NPHP4: variants seen among roughly 807,000 people sequenced by gnomAD.
The protein encoded by NPHP4 is nephrocystin 4, also known as nephrocystin-4.
Under a neutral mutation model 155.8 loss-of-function variants are expected in NPHP4, and 151 were observed. The observed-to-expected ratio is 0.97, with a 90% CI of 0.85 to 1.11. The LOEUF is 1.11. Ranked by LOEUF, NPHP4 falls within the 50% of genes least tolerant of loss-of-function variation. The pLI, the probability that NPHP4 is intolerant of heterozygous loss-of-function variation, is 0.00. For missense variants in NPHP4, 1,956 were observed against 1,925.7 expected (o/e 1.02, Z -0.29); for synonymous variants, 845 against 816.8 (o/e 1.03, Z -0.59).
At position 5,978,316 on chromosome 1, in the gene NPHP4, G is replaced by A. The variant is rs1654066877; in HGVS notation, c.233C>T (p.Thr78Ile). 2 of 1,609,408 alleles carry A rather than the reference G, an allele frequency of 1.2e-6. No individual in the cohort carries two copies. The highest frequency in any genetic ancestry group is 1.3e-5 in the African/African-American group (1 of 74,774). Residue 78 changes from threonine to isoleucine, a missense_variant, in exon 3 of 30, where the codon ACA (threonine) becomes ATA (isoleucine). Coordinates refer to ENST00000378156, the MANE Select transcript of NPHP4 (RefSeq NM_015102.5). The part of the protein sequence containing the change: ...RHFFGRTWKT[T>I]VKPTKRPPSR... ...CGGCGGTCTCTTCGTCGGCTTCACT[G>A]TGGTTTTCCACGTCCTCCCAAAGAA...
rs1553200990 is a variant in NPHP4, at chr1:5,978,356, CATCA to C, written c.189_192del (p.Phe63LeufsTer16). 6.2e-7 allele frequency: 1 copy of C among 1,609,348 alleles called. No individual in the cohort carries two copies. Among genetic ancestry groups the C allele is most frequent in the Admixed American group, 1.7e-5 (1 of 59,368 alleles). On this transcript the variant is annotated frameshift_variant, in exon 3 of 30. Transcript: ENST00000378156. LOFTEE classifies it high-confidence loss of function. ...CTCCCAAAGAAGTGCCGGTAGGTGA[CATCA>C]AAGAAAGACACTCGCAGATGGCATT...
chr1:5,961,860 G>C lies in NPHP4; in HGVS notation c.607C>G (p.Pro203Ala), dbSNP rs1356533222. 2 of 1,613,828 alleles carry C rather than the reference G, an allele frequency of 1.2e-6. No individual in the cohort carries two copies. The highest frequency in any genetic ancestry group is 1.7e-6 in the Non-Finnish European group (2 of 1,179,780). ...PALEPAFHLL[P>A]ENLLVSGLQQ... ...AGACCAGACACCAGAAGGTTCTCAG[G>C]AAGAAGGTGGAACGCAGGCTCCAGG... Residue 203 changes from proline to alanine, a missense_variant, in exon 6 of 30, where the codon CCT (proline) becomes GCT (alanine). Pro to Ala is a conservative substitution (Grantham distance 27). Coordinates refer to ENST00000378156, the MANE Select transcript of NPHP4 (RefSeq NM_015102.5).
rs922306718 is a variant in NPHP4, at chr1:5,968,638, AT to A, written c.452+448del. 2.1e-3 allele frequency among the ~76,000 whole-genome samples: 313 copies of A among 151,988 alleles called. 7 individuals are homozygous for A. Among genetic ancestry groups the A allele is most frequent in the Non-Finnish European group, 9.3e-4 (63 of 67,928 alleles). On this transcript the variant is annotated intron_variant, in intron 4 of 29. Transcript: ENST00000378156. ...AAAGGCAAACCCCCAAGCAAGACAC[AT>A]CCCACACTATGCTATTATGGACACA...
chr1:5,929,430 AAG>A lies in NPHP4; in HGVS notation c.1303-1645_1303-1644del, dbSNP rs77831571. The stretch of plus-strand genomic sequence containing the variant: ...TCACCATTAAGTATGATGTTAACTA[AAG>A]AGTTTTTGTAAACATCACTGATTAT... On this transcript the variant is annotated intron_variant, in intron 10 of 29. Transcript: ENST00000378156. Among the ~76,000 whole-genome samples, 1,392 of 152,314 alleles carry A rather than the reference AAG, an allele frequency of 9.1e-3. 26 individuals are homozygous for A. Among genetic ancestry groups the A allele is most frequent in the South Asian group, 0.021 (103 of 4,824 alleles).
At position 5,905,649 on chromosome 1, in the gene NPHP4, CACA is replaced by C. The variant is rs1282891020; in HGVS notation, c.1743_1745del (p.Val582del). The C allele has an allele frequency of 6.2e-6, 10 of 1,613,802 alleles. No homozygotes were observed. Among genetic ancestry groups the C allele is most frequent in the Middle Eastern group, 3.3e-4 (2 of 6,084 alleles). On this transcript the variant is annotated inframe_deletion, in exon 14 of 30. Transcript: ENST00000378156. The surrounding 1 kb of genome is among the most constrained non-coding windows in gnomAD (Gnocchi z 4.0). Reference sequence around the variant, plus strand: ...CACCTCACCTCCTGGTCTGGGTTCCCACAACAATAGGGGCATGCAAAGGCGTGA... The same window carrying C: ...CACCTCACCTCCTGGTCTGGGTTCCCACAATAGGGGCATGCAAAGGCGTGA...
chr1:5,918,383 T>C (rs562135069), intron 11 of NPHP4, among the ~76,000 whole-genome samples: 14 of 152,302 alleles, frequency 9.2e-5, no homozygotes, highest in South Asian at 8.3e-4. Context: ...TCAAAACCTA[T>C]GAAATGGGGT....
intron 19 of NPHP4, among the ~76,000 whole-genome samples, chr1:5,879,868 C>T (rs1236892609): frequency 6.6e-6 from 1 of 151,394 alleles, no homozygotes; most frequent in South Asian, 2.1e-4. Context: ...CACGCACACA[C>T]ACATGCACAC....
intron 1 of NPHP4, among the ~76,000 whole-genome samples, chr1:5,989,741 C>T (rs806106): frequency 0.16 from 24,816 of 152,240 alleles, 2,279 homozygotes; most frequent in South Asian, 0.25. Context: ...TCCTCACCTG[C>T]CCCAGATTTC....
chr1:5,866,308 G>T (rs1641214719), intron 26 of NPHP4, 65 bp downstream of exon 26: 2 of 1,063,560 alleles, frequency 1.9e-6, no homozygotes, highest in African/African-American at 1.6e-5. Flanking sequence ...TCCACCAGCA[G>T]CCCCAGGCCT....
intron 10 of NPHP4, among the ~76,000 whole-genome samples, chr1:5,928,011 C>T (rs1646098215): frequency 6.6e-6 from 1 of 152,176 alleles, no homozygotes; most frequent in Non-Finnish European, 1.5e-5. Context: ...ATGACCCTTA[C>T]CCAAGCAGAA....
chr1:5,988,868 C>A (rs898099163), intron 1 of NPHP4, among the ~76,000 whole-genome samples: 2 of 152,184 alleles, frequency 1.3e-5, no homozygotes, highest in African/African-American at 4.8e-5. Flanking sequence ...CCGCCTCCAC[C>A]CACAGTGCAC....
chr1:5,941,644 C>T (rs944736011), intron 9 of NPHP4, among the ~76,000 whole-genome samples: 2 of 152,200 alleles, frequency 1.3e-5, no homozygotes, highest in African/African-American at 4.8e-5. Context: ...GAGCCTGAAG[C>T]ATCTTCTGAA....
chr1:5,880,191 G>A lies in NPHP4; in HGVS notation c.2534C>T (p.Ser845Phe). 6.2e-7 allele frequency: 1 copy of A among 1,613,740 alleles called. No homozygotes were observed. The highest frequency in any genetic ancestry group is 8.5e-7 in the Non-Finnish European group (1 of 1,179,784). ...KVRGCSTLPP[S>F]RSRVISNDGA... ...ATCGTTTGAGATGACCCGAGATCTG[G>A]ACGGTGGCAATGTGCTACAACCTCT... is the stretch of plus-strand genomic sequence containing the variant. Residue 845 changes from serine (S) to phenylalanine (F), a missense_variant, in exon 19 of 30, where the codon TCC (serine) becomes TTC (phenylalanine). Transcript: ENST00000378156.
rs913986727 is a variant in NPHP4 at position 5,890,767 on chromosome 1, G to A, written c.2304+101C>T. On this transcript the variant is annotated intron_variant, in intron 17 of 29. Coordinates refer to ENST00000378156, the MANE Select transcript of NPHP4 (RefSeq NM_015102.5). The surrounding 1 kb of genome is among the most constrained non-coding windows in gnomAD (Gnocchi z 4.9). ...AAGAAGGTCAAACAAGTCCTGTGCGGGATAGCGCCCGCTCCTTCCAAGCAG... is the reference window on the plus strand; with the variant it reads ...AAGAAGGTCAAACAAGTCCTGTGCGAGATAGCGCCCGCTCCTTCCAAGCAG... The A allele has an allele frequency of 8.8e-7, 1 of 1,130,072 alleles. No homozygotes were observed. Among genetic ancestry groups the A allele is most frequent in the South Asian group, 1.6e-5 (1 of 61,298 alleles). The allele number at this position is 1,130,072 out of a possible 1,614,324, so 70.0% of individuals were successfully genotyped here.
chr1:5,967,948 T>C (rs371804076), intron 4 of NPHP4, among the ~76,000 whole-genome samples: 11 of 152,074 alleles, frequency 7.2e-5, no homozygotes, highest in African/African-American at 2.4e-4. Context: ...GCTTTAACCC[T>C]AGCTGAAAGG....
chr1:5,921,502 T>A (rs961288436), intron 11 of NPHP4, among the ~76,000 whole-genome samples: 1 of 152,254 alleles, frequency 6.6e-6, no homozygotes, highest in African/African-American at 2.4e-5. Context: ...CTATTAGACA[T>A]CTGGATTCCT....
intron 11 of NPHP4, among the ~76,000 whole-genome samples, chr1:5,915,034 T>C (rs1284834669): frequency 6.6e-6 from 1 of 152,178 alleles, no homozygotes; most frequent in African/African-American, 2.4e-5. Context: ...CAGAGGAAAA[T>C]GCTCATTTCG....
intron 11 of NPHP4, among the ~76,000 whole-genome samples, chr1:5,918,764 G>C (rs1380633907): frequency 6.6e-6 from 1 of 152,140 alleles, no homozygotes; most frequent in East Asian, 1.9e-4. Context: ...ATTTTTTTTA[G>C]AGGATGTGTA....
At chr1:5,873,860 GCA>G (rs998358227) in intron 22 of NPHP4, 2 of 225,102 alleles carry the variant, frequency 8.9e-6, no homozygotes, top group African/African-American at 5.0e-5. Context: ...CTGCATGTCT[GCA>G]CACACCTCAC....
Sources: gnomAD v4.1 joint callset for allele counts (sites outside exome capture counted in the v4.1 genomes callset) on GRCh38, gnomAD v4.1.1 for gene constraint, Gnocchi (gnomAD v3.1) non-coding constraint, MANE v1.5 for transcripts, NCBI Gene and HGNC (gene_info 2026-07-23, HGNC 2026-07-21) for gene names.